The following NRXN1 variants were observed in gnomAD, a reference collection of about 807,000 sequenced individuals.
NRXN1 encodes neurexin-1.
NRXN1 carries 39 observed loss-of-function variants against 150.9 expected under a neutral mutation model. That is an observed-to-expected ratio of 0.26 (90% confidence interval 0.20 to 0.34). The LOEUF is 0.34. Among genes scored for constraint, NRXN1 ranks in the 10% least tolerant of loss-of-function variants. NRXN1 has a pLI of 1.00. For synonymous variants in NRXN1, 924 were observed against 757.0 expected (o/e 1.22, Z -3.62); for missense variants, 1,815 against 1,949.9 (o/e 0.93, Z 1.30).
At chr2:50,945,432 C>T (rs1690190648) in intron 2 of NRXN1, among the ~76,000 whole-genome samples, 1 of 151,882 alleles carries the variant, frequency 6.6e-6, no homozygotes, top group Non-Finnish European at 1.5e-5. Flanking sequence ...CCAGTGATTT[C>T]CAGCCTGGGT....
chr2:50,841,910 T>C (rs953914845), intron 5 of NRXN1, among the ~76,000 whole-genome samples: 6 of 152,198 alleles, frequency 3.9e-5, no homozygotes, highest in African/African-American at 1.4e-4. Flanking sequence ...AAATTCTTTG[T>C]CATTTTTGGA....
At chr2:49,930,083 G>A (rs1572896850) in intron 22 of NRXN1, among the ~76,000 whole-genome samples, 4 of 152,182 alleles carry the variant, frequency 2.6e-5, no homozygotes, top group Admixed American at 6.5e-5. Flanking sequence ...CGAAAAACAT[G>A]TCGAATGACC....
chr2:50,295,916 T>C (rs1014801011), intron 17 of NRXN1, among the ~76,000 whole-genome samples: 2 of 152,218 alleles, frequency 1.3e-5, no homozygotes, highest in African/African-American at 4.8e-5. Context: ...CACCAGTTTA[T>C]TACAGTAATT....
intron 17 of NRXN1, among the ~76,000 whole-genome samples, chr2:50,453,929 C>T (rs2087254275): frequency 1.3e-5 from 2 of 152,144 alleles, no homozygotes; most frequent in African/African-American, 4.8e-5. Context: ...TCACAATGAT[C>T]TGATGATTCC....
intron 21 of NRXN1, among the ~76,000 whole-genome samples, chr2:49,983,980 G>T (rs1009416005): frequency 2.7e-5 from 4 of 150,714 alleles, no homozygotes; most frequent in African/African-American, 9.7e-5. Context: ...CTGGGCAATA[G>T]AGTGAGATCT....
intron 5 of NRXN1, among the ~76,000 whole-genome samples, chr2:50,695,721 T>C (rs567114311): frequency 1.3e-5 from 2 of 152,266 alleles, no homozygotes; most frequent in African/African-American, 4.8e-5. Context: ...TAGGAAGAGT[T>C]GAAGATAAAT....
intron 17 of NRXN1, among the ~76,000 whole-genome samples, chr2:50,442,230 C>T (rs1333254643): frequency 6.6e-6 from 1 of 152,068 alleles, no homozygotes; most frequent in Non-Finnish European, 1.5e-5. Flanking sequence ...AATACTAGTG[C>T]CTGTAAAATA....
intron 2 of NRXN1, among the ~76,000 whole-genome samples, chr2:50,986,196 T>G (rs949287588): frequency 6.6e-6 from 1 of 151,662 alleles, no homozygotes; most frequent in Non-Finnish European, 1.5e-5. Context: ...ATAGTAATAT[T>G]AAGTCGTGGT....
At chr2:49,990,734 C>A (rs1174206218) in intron 21 of NRXN1, among the ~76,000 whole-genome samples, 1 of 152,156 alleles carries the variant, frequency 6.6e-6, no homozygotes, top group Non-Finnish European at 1.5e-5. Context: ...CAGTGATAAT[C>A]TTATTCATCA....
intron 5 of NRXN1, among the ~76,000 whole-genome samples, chr2:50,853,570 G>A (rs1216784262): frequency 6.6e-6 from 1 of 152,022 alleles, no homozygotes; most frequent in Non-Finnish European, 1.5e-5. Context: ...GCAAGGAATA[G>A]GACCATATAA....
At chr2:50,440,614 T>C (rs984370442) in intron 17 of NRXN1, among the ~76,000 whole-genome samples, 7 of 152,142 alleles carry the variant, frequency 4.6e-5, no homozygotes, top group Non-Finnish European at 8.8e-5. Context: ...AGAAAAGGTC[T>C]CATTGAAGTA....
intron 15 of NRXN1, among the ~76,000 whole-genome samples, chr2:50,494,621 A>G (rs1021854213): frequency 6.6e-6 from 1 of 152,190 alleles, no homozygotes; most frequent in Non-Finnish European, 1.5e-5. Flanking sequence ...ATTACCACAC[A>G]TTTTATATGT....
At chr2:50,554,281 A>G (rs941124839) in intron 8 of NRXN1, 2 of 152,168 alleles carry the variant, frequency 1.3e-5, no homozygotes, top group Non-Finnish European at 2.9e-5. Context: ...TAGCGCTATG[A>G]AGTCAACCAA....
chr2:50,201,389 G>A (rs2062152239), intron 18 of NRXN1, among the ~76,000 whole-genome samples: 1 of 152,120 alleles, frequency 6.6e-6, no homozygotes, highest in South Asian at 2.1e-4. Context: ...ACAATAGTAT[G>A]GTTAGGATCC....
At chr2:50,171,993 A>G (rs1189552463) in intron 18 of NRXN1, among the ~76,000 whole-genome samples, 1 of 152,174 alleles carries the variant, frequency 6.6e-6, no homozygotes, top group Non-Finnish European at 1.5e-5. Context: ...CTCTTTACTC[A>G]ATCCACTCTT....
At chr2:50,445,513 G>A (rs1345457948) in intron 17 of NRXN1, among the ~76,000 whole-genome samples, 1 of 152,036 alleles carries the variant, frequency 6.6e-6, no homozygotes, top group Non-Finnish European at 1.5e-5. Context: ...TCTGAGATCC[G>A]CCTTTATTAT....
At position 50,054,977 on chromosome 2, in the gene NRXN1, A is replaced by G; in HGVS notation, c.3786T>C (p.Val1262=). The G allele has an allele frequency of 6.3e-7, 1 of 1,587,702 alleles. No homozygotes were observed. The highest frequency in any genetic ancestry group is 8.6e-7 in the Non-Finnish European group (1 of 1,169,042). ...QRIPYRLGRV[V]DEWLLDKGRQ... ...TACCTTTGTCGAGTAGCCATTCATC[A>G]ACTACTCGACCAAGTCGATATGGAA... Residue 1262 remains valine, a synonymous_variant, in exon 20 of 23, where the codon GTT becomes GTC. Transcript: ENST00000401669.
intron 17 of NRXN1, among the ~76,000 whole-genome samples, chr2:50,246,523 C>T (rs2066521567): frequency 1.3e-5 from 2 of 152,042 alleles, no homozygotes; most frequent in African/African-American, 4.8e-5. Context: ...TGCCTATCTG[C>T]TATACTTAAG....
chr2:51,009,122 C>G (rs894979395), intron 2 of NRXN1: 2 of 151,786 alleles, frequency 1.3e-5, no homozygotes, highest in African/African-American at 4.8e-5. Context: ...TCCAATATTG[C>G]CCTAATTTCA....
Sources: allele counts gnomAD v4.1 joint callset (sites outside exome capture counted in the v4.1 genomes callset), GRCh38; gene constraint gnomAD v4.1.1; transcripts MANE v1.5; gene names NCBI Gene and HGNC (gene_info 2026-07-23, HGNC 2026-07-21).